Variants in SELENOI observed in about 807,000 individuals in gnomAD.
The protein encoded by SELENOI is ethanolaminephosphotransferase 1.
A neutral mutation model predicts 50.7 loss-of-function variants in SELENOI; 24 were observed. The ratio of observed to expected loss-of-function variants is 0.47; its 90% CI spans 0.34 to 0.67. The LOEUF is 0.67. Ranked by LOEUF, SELENOI falls within the 30% of genes least tolerant of loss-of-function variation. The pLI, the probability that SELENOI is intolerant of heterozygous loss-of-function variation, is 0.01. For synonymous variants in SELENOI, 155 were observed against 170.2 expected (o/e 0.91, Z 0.70); for missense variants, 352 against 461.4 (o/e 0.76, Z 2.17).
At position 26,361,080 on chromosome 2, in the gene SELENOI, G is replaced by T. The variant is rs553994597; in HGVS notation, c.58-3222G>T. Among the ~76,000 whole-genome samples the T allele has an allele frequency of 4.6e-5, 7 of 152,316 alleles. No homozygotes were observed. In the South Asian group the frequency reaches 1.5e-3, roughly 32 times the overall value. ...ATACAAAAAATTAGCTGGGCGTGGT[G>T]GTGGGCGCCTATAGTCCTAGCTACT... On this transcript the variant is annotated intron_variant, in intron 1 of 9. Coordinates refer to ENST00000260585, the MANE Select transcript of SELENOI (RefSeq NM_033505.4).
chr2:26,387,891 G>A (rs755869406), intron 9 of SELENOI, among the ~76,000 whole-genome samples: 7 of 152,028 alleles, frequency 4.6e-5, no homozygotes, highest in South Asian at 2.1e-4. Flanking sequence ...CTGTTAATCC[G>A]TTTGAGAAAC....
intron 4 of SELENOI, among the ~76,000 whole-genome samples, chr2:26,371,259 A>T (rs1677435650): frequency 7.0e-6 from 1 of 141,924 alleles, no homozygotes; most frequent in African/African-American, 2.7e-5. Flanking sequence ...CACTTCTCAG[A>T]CGGGGTGGCC....
intron 1 of SELENOI, among the ~76,000 whole-genome samples, chr2:26,355,100 T>C (rs1450334486): frequency 6.6e-6 from 1 of 152,220 alleles, no homozygotes; most frequent in Non-Finnish European, 1.5e-5. Flanking sequence ...TGAGTTAAAA[T>C]TTATAAAGTG....
chr2:26,349,762 A>AT (rs1476790119), intron 1 of SELENOI, among the ~76,000 whole-genome samples: 1 of 138,006 alleles, frequency 7.2e-6, no homozygotes, highest in Admixed American at 8.0e-5. Flanking sequence ...AAATTGTATC[A>AT]TTTTGCCTAA....
intron 1 of SELENOI, 101 bp from the exon 2 acceptor site, chr2:26,364,201 C>T: frequency 1.2e-6 from 1 of 848,922 alleles, no homozygotes. Flanking sequence ...TATGCATGCG[C>T]CACTGCGCCT....
rs1357572380 is a variant in SELENOI, at chr2:26,392,489, T to C, written c.*3386T>C. 1 of 152,264 alleles carries C rather than the reference T, an allele frequency of 6.6e-6. No individual in the cohort carries two copies. Among genetic ancestry groups the C allele is most frequent in the Non-Finnish European group, 1.5e-5 (1 of 68,064 alleles). The allele number at this position is 152,264 out of a possible 1,614,324, so 9.4% of individuals were successfully genotyped here. ...TATATTTTATATAGAAGCCTATTTG[T>C]AATTCTTCCTCTTCGTTCTTCACCT... On this transcript the variant is annotated 3_prime_UTR_variant, in exon 10 of 10. Coordinates refer to ENST00000260585, the MANE Select transcript of SELENOI (RefSeq NM_033505.4).
At chr2:26,364,696 G>A (rs535393925) in intron 2 of SELENOI, 136 bp from the exon 3 acceptor site, 38 of 611,874 alleles carry the variant, frequency 6.2e-5, no homozygotes, top group African/African-American at 5.6e-4. Flanking sequence ...TATCGTTTAC[G>A]TGTTAATGTC....
Position 26,373,503 on chromosome 2 carries a change from T to G in SELENOI, c.447T>G (p.Thr149=). The G allele has an allele frequency of 6.2e-7, 1 of 1,614,044 alleles. No individual in the cohort carries two copies. The highest frequency in any genetic ancestry group is 8.5e-7 in the Non-Finnish European group (1 of 1,179,884). The change falls in exon 5 of 10, where the codon ACT becomes ACG. Residue 149 remains threonine (T), a synonymous_variant. Coordinates refer to ENST00000260585, the MANE Select transcript of SELENOI (RefSeq NM_033505.4). ...ATTCCATCTTTGGAAGAGGATCAAC[T>G]GGTGTCAGTGTTTTTGTTCTTTATC... ...TVYSIFGRGS[T]GVSVFVLYLL... is the part of the protein sequence containing the mutation.
chr2:26,372,567 A>G (rs915510927), intron 4 of SELENOI, among the ~76,000 whole-genome samples: 1 of 152,252 alleles, frequency 6.6e-6, no homozygotes, highest in Non-Finnish European at 1.5e-5. Flanking sequence ...ATTTAAAATT[A>G]TGGAGGCAGT....
chr2:26,395,519 T>TGC lies in SELENOI; in HGVS notation c.*6418_*6419dup, dbSNP rs1253312878. 1.3e-5 allele frequency: 2 copies of TGC among 152,726 alleles called. No homozygotes were observed. Among genetic ancestry groups the TGC allele is most frequent in the Non-Finnish European group, 2.9e-5 (2 of 68,066 alleles). 9.5% of individuals were successfully genotyped at this position (152,726 alleles called of 1,614,324 possible). A position where few individuals can be genotyped will look rare whatever the true frequency, so the allele number is the denominator to read the frequency against. ...AGGGTGGCTCTGGGAGCAGTTGTGCTGCGGGCTTGCTGGGGGAGAACTCTA... is the reference window on the plus strand; with the variant it reads ...AGGGTGGCTCTGGGAGCAGTTGTGCTGCGCGGGCTTGCTGGGGGAGAACTCTA... On this transcript the variant is annotated 3_prime_UTR_variant, in exon 10 of 10. Transcript: ENST00000260585.
intron 7 of SELENOI, among the ~76,000 whole-genome samples, chr2:26,384,016 G>A (rs1161953326): frequency 2.0e-5 from 3 of 152,180 alleles, no homozygotes; most frequent in East Asian, 3.8e-4. Flanking sequence ...ATGCTCAGGT[G>A]GAGTTTCATT....
rs74261343 is a variant in SELENOI at position 26,395,835 on chromosome 2, A to C, written c.*6732A>C. ...TGAAAATTGTTTAATTCTATTATTG[A>C]TAATTATTTATTGTAATAAAAGTAA... On this transcript the variant is annotated 3_prime_UTR_variant, in exon 10 of 10. Coordinates refer to ENST00000260585, the MANE Select transcript of SELENOI (RefSeq NM_033505.4). 1.4e-4 allele frequency: 21 copies of C among 152,760 alleles called. No individual in the cohort carries two copies. The East Asian group carries it at 3.5e-3, about 25-fold the overall frequency. The allele number at this position is 152,760 out of a possible 1,614,324, so 9.5% of individuals were successfully genotyped here.
At chr2:26,371,602 C>T (rs1315805537) in intron 4 of SELENOI, among the ~76,000 whole-genome samples, 1 of 152,240 alleles carries the variant, frequency 6.6e-6, no homozygotes, top group East Asian at 1.9e-4. Context: ...ACTCCGTCTG[C>T]AATCCCGGCA....
chr2:26,371,037 T>C lies in SELENOI; in HGVS notation c.311-2330T>C, dbSNP rs1677424246. 3.0e-5 allele frequency among the ~76,000 whole-genome samples: 4 copies of C among 133,456 alleles called. No individual in the cohort carries two copies. The South Asian group carries it at 1.0e-3, about 33-fold the overall frequency. 87.6% of individuals were successfully genotyped at this position (133,456 alleles called of 152,430 possible). A position where few individuals can be genotyped will look rare whatever the true frequency, so the allele number is the denominator to read the frequency against. On this transcript the variant is annotated intron_variant, in intron 4 of 9. Transcript: ENST00000260585. The stretch of plus-strand genomic sequence containing the variant: ...TGGCCAGGCAGAGGGGCTCCTCACT[T>C]CCCAGTAGGGGCGGCCGGGCAGAGG...
chr2:26,383,247 T>A, intron 6 of SELENOI, 52 bp from the exon 7 acceptor site: 1 of 1,364,134 alleles, frequency 7.3e-7, no homozygotes, highest in Non-Finnish European at 9.9e-7. Flanking sequence ...TCAGTGGTAA[T>A]GTAATAATTG....
intron 6 of SELENOI, among the ~76,000 whole-genome samples, chr2:26,380,871 C>G (rs72852738): frequency 1.0e-3 from 157 of 152,256 alleles, no homozygotes; most frequent in African/African-American, 3.6e-3. Context: ...CTTTCTCTTA[C>G]TATGAATGAG....
At position 26,392,800 on chromosome 2, in the gene SELENOI, T is replaced by C. The variant is rs1269171826; in HGVS notation, c.*3697T>C. The stretch of plus-strand genomic sequence containing the variant: ...CTCAGTTCTGGATTTAAGTACTCTA[T>C]AGAAAATTTGTGAAGTCAGACCAGA... On this transcript the variant is annotated 3_prime_UTR_variant, in exon 10 of 10. Coordinates refer to ENST00000260585, the MANE Select transcript of SELENOI (RefSeq NM_033505.4). The C allele has an allele frequency of 6.6e-6, 1 of 152,246 alleles. No individual in the cohort carries two copies. The highest frequency in any genetic ancestry group is 1.5e-5 in the Non-Finnish European group (1 of 68,046). 9.4% of individuals were successfully genotyped at this position (152,246 alleles called of 1,614,324 possible).
chr2:26,373,940 C>G (rs1306357668), intron 5 of SELENOI, among the ~76,000 whole-genome samples: 1 of 152,016 alleles, frequency 6.6e-6, no homozygotes, highest in Non-Finnish European at 1.5e-5. Flanking sequence ...TTAGTAGAGA[C>G]AGGGTTTCAC....
chr2:26,394,687 A>G lies in SELENOI; in HGVS notation c.*5584A>G, dbSNP rs910092556. 1 of 152,120 alleles carries G rather than the reference A, an allele frequency of 6.6e-6. No homozygotes were observed. The highest frequency in any genetic ancestry group is 1.5e-5 in the Non-Finnish European group (1 of 68,012). 9.4% of individuals were successfully genotyped at this position (152,120 alleles called of 1,614,324 possible). On this transcript the variant is annotated 3_prime_UTR_variant, in exon 10 of 10. Coordinates refer to ENST00000260585, the MANE Select transcript of SELENOI (RefSeq NM_033505.4). This position sits in a 1 kb window ranked among gnomAD's most constrained non-coding sequence, Gnocchi z 4.1. ...TAGCATTTTCTCTGGGTAAAGGGAA[A>G]GGCAATGAATGATTGCCAACATGTA...
Sources: allele counts gnomAD v4.1 joint callset (sites outside exome capture counted in the v4.1 genomes callset), GRCh38; gene constraint gnomAD v4.1.1; non-coding constraint Gnocchi (gnomAD v3.1); transcripts MANE v1.5; gene names NCBI Gene and HGNC (gene_info 2026-07-23, HGNC 2026-07-21).